Variants in CPED1 observed in about 807,000 individuals in gnomAD.
CPED1 encodes the protein cadherin-like and PC-esterase domain-containing protein 1.
Under a neutral mutation model 128.2 loss-of-function variants are expected in CPED1, and 114 were observed. That is an observed-to-expected ratio of 0.89 (90% CI 0.76 to 1.04). The LOEUF is 1.04. Among genes scored for constraint, CPED1 ranks in the 50% least tolerant of loss-of-function variants. The probability of loss-of-function intolerance (pLI) is 0.00; values close to 1 mark genes in which losing one functional copy is unlikely to be tolerated. For missense variants in CPED1, 1,211 were observed against 1,207.1 expected, an observed-to-expected ratio of 1.00 and a Z score of -0.05; for synonymous variants, 462 against 426.7, an observed-to-expected ratio of 1.08 and a Z score of -1.02.
intron 5 of CPED1, among the ~76,000 whole-genome samples, chr7:121,078,598 C>G (rs1370534749): frequency 6.7e-6 from 1 of 149,032 alleles, no homozygotes; most frequent in African/African-American, 2.5e-5. Flanking sequence ...CTAACTATTT[C>G]TGTATGTTGG....
Position 121,124,397 on chromosome 7 carries a change from G to A in CPED1, c.985G>A (p.Glu329Lys). 6.2e-7 allele frequency: 1 copy of A among 1,608,064 alleles called. No homozygotes were observed. The highest frequency in any genetic ancestry group is 8.5e-7 in the Non-Finnish European group (1 of 1,176,352). Residue 329 changes from glutamate (E) to lysine (K), a missense_variant, in exon 8 of 23, where the codon GAA (glutamate) becomes AAA (lysine). Transcript: ENST00000310396. Reference protein sequence around the residue: ...SPQQAFDIMKEAIGKLLLAAE... With the variant: ...SPQQAFDIMKKAIGKLLLAAE... ...TCAACAGGCTTTTGACATTATGAAG[G>A]AAGCAATTGGCAAACTACTGCTAGC...
chr7:121,025,264 A>G (rs951396093), intron 3 of CPED1, among the ~76,000 whole-genome samples: 10 of 152,010 alleles, frequency 6.6e-5, no homozygotes, highest in Non-Finnish European at 5.9e-5. Context: ...TTTCTTAGCA[A>G]TCTCTCCCCA....
chr7:121,242,131 CCA>C (rs1798410693), intron 17 of CPED1, among the ~76,000 whole-genome samples: 1 of 152,142 alleles, frequency 6.6e-6, no homozygotes. Context: ...CAACTCTTTA[CCA>C]CACAGATATT....
At chr7:121,193,630 AT>A (rs1797197441) in intron 16 of CPED1, among the ~76,000 whole-genome samples, 1 of 152,128 alleles carries the variant, frequency 6.6e-6, no homozygotes, top group Non-Finnish European at 1.5e-5. Context: ...AAGTAGGAAA[AT>A]AGAGAGAAGT....
At chr7:121,161,438 A>G (rs1796410148) in intron 16 of CPED1, among the ~76,000 whole-genome samples, 1 of 152,000 alleles carries the variant, frequency 6.6e-6, no homozygotes, top group Non-Finnish European at 1.5e-5. Context: ...CACACCTTGA[A>G]TCTCTCTCCC....
chr7:121,067,950 T>C (rs1166075732), intron 5 of CPED1, among the ~76,000 whole-genome samples: 1 of 152,236 alleles, frequency 6.6e-6, no homozygotes, highest in Non-Finnish European at 1.5e-5. Context: ...TGCCCACTTT[T>C]CGATGGGGTT....
rs147162432 is a variant in CPED1 at position 121,235,606 on chromosome 7, A to G, written c.2056-1108A>G. On this transcript the variant is annotated intron_variant, in intron 16 of 22. Coordinates refer to ENST00000310396, the MANE Select transcript of CPED1 (RefSeq NM_024913.5). ...GAATTTCTCATATAATGAGGGACAC[A>G]ATAAAGTCTAACTTTTTATGCATTC... 1.8e-3 allele frequency among the ~76,000 whole-genome samples: 281 copies of G among 152,276 alleles called. 1 individual carries two copies. Among genetic ancestry groups the G allele is most frequent in the African/African-American group, 6.5e-3 (271 of 41,586 alleles).
At position 121,199,689 on chromosome 7, in the gene CPED1, A is replaced by G. The variant is rs146710464; in HGVS notation, c.2056-37025A>G. 7.7e-3 allele frequency among the ~76,000 whole-genome samples: 312 copies of G among 40,684 alleles called. 5 individuals are homozygous for G. Among genetic ancestry groups the G allele is most frequent in the African/African-American group, 0.024 (290 of 12,094 alleles). The allele number at this position is 40,684 out of a possible 152,430, so 26.7% of individuals were successfully genotyped here. A position where few individuals can be genotyped will look rare whatever the true frequency, so the allele number is the denominator to read the frequency against. ...AGACTCCATCAAAAAAAAAAAAAAA[A>G]AAAAAAAAAAAGAAAGAAAGAAAGA... On this transcript the variant is annotated intron_variant, in intron 16 of 22. Coordinates refer to ENST00000310396, the MANE Select transcript of CPED1 (RefSeq NM_024913.5).
intron 16 of CPED1, among the ~76,000 whole-genome samples, chr7:121,211,320 G>A (rs557599249): frequency 2.0e-5 from 3 of 152,088 alleles, no homozygotes; most frequent in Non-Finnish European, 2.9e-5. Context: ...AAGGCAGAGG[G>A]ACTCACTGGG....
intron 9 of CPED1, 66 bp downstream of exon 9, chr7:121,125,958 T>C: frequency 3.5e-6 from 4 of 1,148,610 alleles, no homozygotes; most frequent in Non-Finnish European, 5.2e-6. Flanking sequence ...GTGTGTGTTG[T>C]TGTTGTTGTT....
At chr7:121,293,092 C>G (rs768009159) in intron 22 of CPED1, among the ~76,000 whole-genome samples, 11 of 152,184 alleles carry the variant, frequency 7.2e-5, no homozygotes, top group Non-Finnish European at 1.5e-4. Context: ...CAAGCAGGAA[C>G]GTTTAAGTCT....
intron 5 of CPED1, among the ~76,000 whole-genome samples, chr7:121,085,866 A>AC (rs1187082468): frequency 6.6e-6 from 1 of 152,198 alleles, no homozygotes; most frequent in Admixed American, 6.5e-5. Context: ...TGTGTTTAGT[A>AC]CCCCTGGGTT....
intron 2 of CPED1, among the ~76,000 whole-genome samples, chr7:120,998,397 A>T (rs1430594769): frequency 6.6e-6 from 1 of 152,208 alleles, no homozygotes; most frequent in Non-Finnish European, 1.5e-5. Flanking sequence ...TTACCTGAAT[A>T]TGGATATATT....
intron 3 of CPED1, among the ~76,000 whole-genome samples, chr7:121,036,829 A>G (rs544607088): frequency 9.3e-4 from 142 of 152,158 alleles, no homozygotes; most frequent in African/African-American, 3.3e-3. Flanking sequence ...GATTATGGCC[A>G]TTCTTGCAGG....
In CPED1 at chr7:121,222,340, G is replaced by A. The variant is rs1416202070; in HGVS notation, c.2056-14374G>A. Among the ~76,000 whole-genome samples, 3 of 152,174 alleles carry A rather than the reference G, an allele frequency of 2.0e-5. No homozygotes were observed. The East Asian group carries it at 5.8e-4, about 29-fold the overall frequency. On this transcript the variant is annotated intron_variant, in intron 16 of 22. Coordinates refer to ENST00000310396, the MANE Select transcript of CPED1 (RefSeq NM_024913.5). ...ATCTCTGTTTTGGTACCAGTACCAT[G>A]CTGTTTTGTTTACTGTAGCCTTGTA...
At chr7:121,166,879 A>G (rs1796538588) in intron 16 of CPED1, among the ~76,000 whole-genome samples, 1 of 152,194 alleles carries the variant, frequency 6.6e-6, no homozygotes. Flanking sequence ...GCTGAGGATC[A>G]TGATCTACAA....
intron 16 of CPED1, among the ~76,000 whole-genome samples, chr7:121,189,760 T>TATATATATA: frequency 2.1e-5 from 1 of 47,468 alleles, no homozygotes; most frequent in South Asian, 1.1e-3. Context: ...TTATGAGGTT[T>TATATATATA]TATATATATA....
rs765846204 is a variant in CPED1, at chr7:121,100,074, A to G, written c.898A>G (p.Lys300Glu). ...STGTVWNPPKKKRFTVKLQTF... is the reference protein window; with the variant it reads ...STGTVWNPPKEKRFTVKLQTF... ...GGGCACAGTTTGGAATCCACCAAAGAAAAAACGCTTCACTGTCAAGGTAAG... is the reference window on the plus strand; with the variant it reads ...GGGCACAGTTTGGAATCCACCAAAGGAAAAACGCTTCACTGTCAAGGTAAG... The change falls in exon 7 of 23, where the codon AAA (lysine) becomes GAA (glutamate). Residue 300 changes from lysine to glutamate, a missense_variant. Coordinates refer to ENST00000310396, the MANE Select transcript of CPED1 (RefSeq NM_024913.5). 4.3e-6 allele frequency: 7 copies of G among 1,613,066 alleles called. No individual in the cohort carries two copies. In the South Asian group the frequency reaches 6.6e-5, roughly 15 times the overall value.
intron 21 of CPED1, among the ~76,000 whole-genome samples, chr7:121,267,519 C>A (rs798915): frequency 0.13 from 20,475 of 151,892 alleles, 2,177 homozygotes; most frequent in African/African-American, 0.29. Context: ...TGAATCCACA[C>A]AAAAAAATTA....
Sources: gnomAD v4.1 joint callset for allele counts (sites outside exome capture counted in the v4.1 genomes callset) on GRCh38, gnomAD v4.1.1 for gene constraint, MANE v1.5 for transcripts, NCBI Gene and HGNC (gene_info 2026-07-23, HGNC 2026-07-21) for gene names.